The following GRB10 variants were observed in gnomAD, a reference collection of about 807,000 sequenced individuals.
GRB10 encodes the protein growth factor receptor-bound protein 10.
GRB10 carries 20 observed loss-of-function variants against 80.9 expected under a neutral mutation model. The observed-to-expected ratio is 0.25, with a 90% CI of 0.17 to 0.36. The LOEUF (loss-of-function observed/expected upper bound fraction) is 0.36, where lower values mean the gene tolerates loss of function less well. GRB10 is among the 10% of genes least tolerant of loss of function. The pLI, the probability that GRB10 is intolerant of heterozygous loss-of-function variation, is 1.00. For missense variants in GRB10, 548 were observed against 747.7 expected (o/e 0.73, Z 3.12); for synonymous variants, 291 against 291.5 (o/e 1.00, Z 0.02).
chr7:50,598,840 A>G (rs1333882060), intron 17 of GRB10, among the ~76,000 whole-genome samples: 2 of 152,208 alleles, frequency 1.3e-5, no homozygotes, highest in African/African-American at 4.8e-5. Flanking sequence ...TCCTTCCAAC[A>G]TGTGGAGGGG....
At chr7:50,660,643 A>G (rs1029211540) in intron 7 of GRB10, among the ~76,000 whole-genome samples, 11 of 152,094 alleles carry the variant, frequency 7.2e-5, no homozygotes, top group Non-Finnish European at 1.2e-4. Flanking sequence ...GGTTACAGGC[A>G]GGTGGCTTCC....
At chr7:50,719,865 TTTC>T (rs2067438966) in intron 4 of GRB10, among the ~76,000 whole-genome samples, 1 of 152,024 alleles carries the variant, frequency 6.6e-6, no homozygotes, top group Non-Finnish European at 1.5e-5. Context: ...GGTTTTTTTT[TTTC>T]TTAAGTCATA....
chr7:50,599,640 A>T (rs910900187), intron 17 of GRB10, among the ~76,000 whole-genome samples: 1 of 152,256 alleles, frequency 6.6e-6, no homozygotes, highest in African/African-American at 2.4e-5. Context: ...CCTGCTGAAG[A>T]ATAAGACGGG....
chr7:50,674,695 A>T, intron 5 of GRB10, 37 bp from the exon 6 acceptor site: 1 of 1,562,264 alleles, frequency 6.4e-7, no homozygotes. Flanking sequence ...AAGAAACTTT[A>T]ACAATGGAGA....
chr7:50,659,534 C>T lies in GRB10; in HGVS notation c.504+10188G>A, dbSNP rs117841578. On this transcript the variant is annotated intron_variant, in intron 7 of 18. Coordinates refer to ENST00000401949, the MANE Select transcript of GRB10 (RefSeq NM_001350814.2). The stretch of plus-strand genomic sequence containing the variant: ...GAACCTGCCAACGCTCAAGGCTGGA[C>T]GCAGGGCTGCTCCCAGGTCGCTCTG... 1.7e-3 allele frequency among the ~76,000 whole-genome samples: 265 copies of T among 152,324 alleles called. 3 individuals carry two copies. In the East Asian group the frequency reaches 0.031, roughly 18 times the overall value.
intron 1 of GRB10, among the ~76,000 whole-genome samples, chr7:50,789,711 A>T (rs902797493): frequency 6.6e-6 from 1 of 152,236 alleles, no homozygotes; most frequent in African/African-American, 2.4e-5. Context: ...AGAAATCCAT[A>T]TGTAAAGTAG....
At chr7:50,781,967 G>C (rs762368203) in intron 1 of GRB10, among the ~76,000 whole-genome samples, 2 of 152,188 alleles carry the variant, frequency 1.3e-5, no homozygotes, top group Non-Finnish European at 2.9e-5. Context: ...CCAGGTTTAA[G>C]AGAATTCCAG....
chr7:50,648,909 C>T (rs1242651767), intron 7 of GRB10, among the ~76,000 whole-genome samples: 2 of 152,142 alleles, frequency 1.3e-5, no homozygotes, highest in Non-Finnish European at 2.9e-5. Context: ...TCAATGTGGT[C>T]GGGCTAGCTC....
intron 2 of GRB10, among the ~76,000 whole-genome samples, chr7:50,767,646 C>T (rs1258096643): frequency 6.6e-6 from 1 of 152,180 alleles, no homozygotes; most frequent in Non-Finnish European, 1.5e-5. Context: ...GGCTCCTGGC[C>T]AGCAGGGGGT....
At chr7:50,624,294 G>A (rs913144296) in intron 8 of GRB10, among the ~76,000 whole-genome samples, 1 of 152,212 alleles carries the variant, frequency 6.6e-6, no homozygotes, top group African/African-American at 2.4e-5. Flanking sequence ...GGCCAGAAGG[G>A]CCCAGGAATA....
intron 4 of GRB10, among the ~76,000 whole-genome samples, chr7:50,724,784 T>C (rs138086892): frequency 1.4e-3 from 212 of 152,284 alleles, no homozygotes; most frequent in African/African-American, 4.8e-3. Context: ...TGCTCTGCGT[T>C]ACTGACAAGG....
chr7:50,764,268 G>A lies in GRB10; in HGVS notation c.-216-8212C>T, dbSNP rs190655010. ...CAGACCCTCTCCACATGGGTCTATAGCTCAGCCCTTGGCTGCCTCTTCTGC... is the reference window on the plus strand; with the variant it reads ...CAGACCCTCTCCACATGGGTCTATAACTCAGCCCTTGGCTGCCTCTTCTGC... On this transcript the variant is annotated intron_variant, in intron 2 of 18. Transcript: ENST00000401949. 2.6e-5 allele frequency among the ~76,000 whole-genome samples: 4 copies of A among 152,332 alleles called. No homozygotes were observed. The East Asian group carries it at 5.8e-4, about 22-fold the overall frequency.
intron 7 of GRB10, among the ~76,000 whole-genome samples, chr7:50,643,046 A>G (rs1304159951): frequency 6.6e-6 from 1 of 152,206 alleles, no homozygotes; most frequent in African/African-American, 2.4e-5. Context: ...CCCTTGGACA[A>G]CACAGGTTTG....
rs1015671587 is a variant in GRB10, at chr7:50,645,596, T to C, written c.505-18618A>G. 6.1e-6 allele frequency: 6 copies of C among 985,004 alleles called. No individual in the cohort carries two copies. In the African/African-American group the frequency reaches 1.0e-4, roughly 17 times the overall value. 61.0% of individuals were successfully genotyped at this position (985,004 alleles called of 1,614,324 possible). On this transcript the variant is annotated intron_variant, in intron 7 of 18. Coordinates refer to ENST00000401949, the MANE Select transcript of GRB10 (RefSeq NM_001350814.2). ...TACCTGAAACTGACTGTGCACATCT[T>C]ACCCCCATCCTCCAATCGCCCGGAG...
intron 7 of GRB10, among the ~76,000 whole-genome samples, chr7:50,632,393 G>A (rs919966343): frequency 6.6e-6 from 1 of 152,192 alleles, no homozygotes; most frequent in Non-Finnish European, 1.5e-5. Flanking sequence ...TTGACCCTGA[G>A]GCCTGGTCTC....
intron 17 of GRB10, among the ~76,000 whole-genome samples, chr7:50,603,414 T>C (rs1004831995): frequency 6.6e-6 from 1 of 152,222 alleles, no homozygotes; most frequent in Non-Finnish European, 1.5e-5. Context: ...GTTTAACCTC[T>C]CTTGCTATGC....
intron 5 of GRB10, among the ~76,000 whole-genome samples, chr7:50,680,995 A>G (rs2061484078): frequency 1.3e-5 from 2 of 152,188 alleles, no homozygotes; most frequent in African/African-American, 4.8e-5. Flanking sequence ...TACAGATAAC[A>G]CAAAATATGG....
intron 5 of GRB10, among the ~76,000 whole-genome samples, chr7:50,694,665 C>T (rs1330794544): frequency 6.6e-6 from 1 of 152,198 alleles, no homozygotes; most frequent in East Asian, 1.9e-4. Flanking sequence ...TGAAGCCTGT[C>T]TTCCTGGGGA....
chr7:50,779,221 A>G (rs2078025599), intron 2 of GRB10: 1 of 152,232 alleles, frequency 6.6e-6, no homozygotes, highest in African/African-American at 2.4e-5. Context: ...CTTACTGCAC[A>G]AAGTGTGGGC....
Sources: allele counts gnomAD v4.1 joint callset (sites outside exome capture counted in the v4.1 genomes callset), GRCh38; gene constraint gnomAD v4.1.1; transcripts MANE v1.5; gene names NCBI Gene and HGNC (gene_info 2026-07-23, HGNC 2026-07-21).